FLVCR1: variants seen among roughly 807,000 people sequenced by gnomAD.
The protein encoded by FLVCR1 is choline/ethanolamine transporter FLVCR1.
A neutral mutation model predicts 53.6 loss-of-function variants in FLVCR1; 34 were observed. The observed-to-expected ratio is 0.63, with a 90% confidence interval of 0.48 to 0.84. The LOEUF (loss-of-function observed/expected upper bound fraction) is 0.84. Ranked by LOEUF, FLVCR1 falls within the 40% of genes least tolerant of loss-of-function variation. The pLI, the probability that FLVCR1 is intolerant of heterozygous loss-of-function variation, is 0.00. For synonymous variants in FLVCR1, 300 were observed against 286.3 expected (o/e 1.05, Z -0.48); for missense variants, 677 against 696.7 (o/e 0.97, Z 0.32).
chr1:212,870,645 T>TA (rs548965714), intron 2 of FLVCR1, among the ~76,000 whole-genome samples: 1 of 152,228 alleles, frequency 6.6e-6, no homozygotes, highest in East Asian at 1.9e-4. Flanking sequence ...TAATTTCTAT[T>TA]AAAAAAAATT....
At chr1:212,863,609 T>C in intron 1 of FLVCR1, 116 bp from the exon 2 acceptor site, 1 of 931,552 alleles carries the variant, frequency 1.1e-6, no homozygotes, top group Non-Finnish European at 1.7e-6. Context: ...ACATAATAGT[T>C]TAATTTTCAA....
At chr1:212,891,209 G>T (rs1440665224) in intron 8 of FLVCR1, among the ~76,000 whole-genome samples, 1 of 152,084 alleles carries the variant, frequency 6.6e-6, no homozygotes, top group Non-Finnish European at 1.5e-5. Flanking sequence ...AGGAGTTCAA[G>T]ACCAGCCTGA....
rs572626456 is a variant in FLVCR1, at chr1:212,896,095, G to A, written c.*805G>A. The A allele has an allele frequency of 6.7e-6, 1 of 149,148 alleles. No individual in the cohort carries two copies. Among genetic ancestry groups the A allele is most frequent in the East Asian group, 2.0e-4 (1 of 5,126 alleles). 9.2% of individuals were successfully genotyped at this position (149,148 alleles called of 1,614,324 possible). On this transcript the variant is annotated 3_prime_UTR_variant, in exon 10 of 10. Coordinates refer to ENST00000366971, the MANE Select transcript of FLVCR1 (RefSeq NM_014053.4). ...TTTCACTCCAACTTGAGATAGAGTA[G>A]TTTTGTACCCATTGCCTTTTTTTTC...
chr1:212,863,875 T>C lies in FLVCR1; in HGVS notation c.883+6T>C, dbSNP rs1262479685. 1.2e-6 allele frequency: 2 copies of C among 1,610,328 alleles called. No individual in the cohort carries two copies. Among genetic ancestry groups the C allele is most frequent in the East Asian group, 4.5e-5 (2 of 44,860 alleles). ...ATTTATTTTAACAGCAATTGGTAAGTGAATTACTTTCCCTAAAGCTTAAAT... is the reference window on the plus strand; with the variant it reads ...ATTTATTTTAACAGCAATTGGTAAGCGAATTACTTTCCCTAAAGCTTAAAT... On this transcript the variant is annotated splice_donor_region_variant and intron_variant, in intron 2 of 9. Transcript: ENST00000366971.
intron 2 of FLVCR1, among the ~76,000 whole-genome samples, chr1:212,866,075 C>A (rs892166027): frequency 1.7e-4 from 25 of 150,486 alleles, no homozygotes; most frequent in Non-Finnish European, 1.5e-5. Context: ...ACCTCTGCCT[C>A]CCACATTCAA....
chr1:212,873,227 C>A (rs536504979), intron 3 of FLVCR1, among the ~76,000 whole-genome samples: 2 of 151,602 alleles, frequency 1.3e-5, no homozygotes, highest in African/African-American at 4.8e-5. Context: ...GCAGGAGAAT[C>A]GCTTGAACCT....
At chr1:212,863,949 G>A (rs1025908427) in intron 2 of FLVCR1, 80 bp downstream of exon 2, 51 of 1,185,918 alleles carry the variant, frequency 4.3e-5, no homozygotes, top group Non-Finnish European at 5.6e-5. Flanking sequence ...AATTTTTGTT[G>A]ATAATATCTC....
chr1:212,874,297 A>G (rs527549972), intron 3 of FLVCR1, among the ~76,000 whole-genome samples: 1 of 152,040 alleles, frequency 6.6e-6, no homozygotes, highest in Non-Finnish European at 1.5e-5. Flanking sequence ...CGTGAGCCAA[A>G]ATGCCCGGCC....
chr1:212,891,101 A>G (rs975315392), intron 8 of FLVCR1, among the ~76,000 whole-genome samples: 4 of 152,206 alleles, frequency 2.6e-5, no homozygotes, highest in Non-Finnish European at 5.9e-5. Flanking sequence ...GGCAAGTACT[A>G]TATCTTATCT....
At chr1:212,868,850 T>C (rs1035032487) in intron 2 of FLVCR1, among the ~76,000 whole-genome samples, 3 of 152,222 alleles carry the variant, frequency 2.0e-5, no homozygotes, top group African/African-American at 7.2e-5. Flanking sequence ...TACAGAATTA[T>C]TTTACATATA....
At chr1:212,879,205 T>C (rs1283162945) in intron 3 of FLVCR1, among the ~76,000 whole-genome samples, 3 of 152,204 alleles carry the variant, frequency 2.0e-5, no homozygotes, top group Non-Finnish European at 4.4e-5. Context: ...AGAGTTTATT[T>C]GTTGAAGGAA....
chr1:212,877,913 T>C (rs938335551), intron 3 of FLVCR1, among the ~76,000 whole-genome samples: 1 of 152,080 alleles, frequency 6.6e-6, no homozygotes, highest in Non-Finnish European at 1.5e-5. Flanking sequence ...GCTGGCTCAG[T>C]AACACAAGAA....
rs549002753 is a variant in FLVCR1, at chr1:212,896,127, ACTCT to A, written c.*840_*843del. On this transcript the variant is annotated 3_prime_UTR_variant, in exon 10 of 10. Transcript: ENST00000366971. ...ACCCATTGCCTTTTTTTTCTTTTAA[ACTCT>A]CTTTTTTTTTTTTTCCTGATGTGTA... The A allele has an allele frequency of 1.4e-5, 2 of 141,628 alleles. No individual in the cohort carries two copies. Among genetic ancestry groups the A allele is most frequent in the African/African-American group, 5.2e-5 (2 of 38,604 alleles). The allele number at this position is 141,628 out of a possible 1,614,324, so 8.8% of individuals were successfully genotyped here.
At chr1:212,864,028 G>T (rs1321060085) in intron 2 of FLVCR1, among the ~76,000 whole-genome samples, 159 bp downstream of exon 2, 1 of 152,156 alleles carries the variant, frequency 6.6e-6, no homozygotes, top group Non-Finnish European at 1.5e-5. Flanking sequence ...TACAACCCTA[G>T]GGATGTTATG....
chr1:212,889,927 G>A (rs543039285), intron 8 of FLVCR1, among the ~76,000 whole-genome samples: 1 of 152,286 alleles, frequency 6.6e-6, no homozygotes, highest in African/African-American at 2.4e-5. Flanking sequence ...TAGGGTTACT[G>A]TGAGGATTAA....
intron 1 of FLVCR1, 71 bp downstream of exon 1, chr1:212,859,261 A>G (rs541134125): frequency 6.2e-6 from 10 of 1,606,030 alleles, no homozygotes; most frequent in Non-Finnish European, 8.5e-6. Flanking sequence ...CGTGAGAACT[A>G]TGGCCTGTAT....
chr1:212,865,959 T>TTTGCCACTGTGC (rs142975532), intron 2 of FLVCR1, among the ~76,000 whole-genome samples: 1 of 93,462 alleles, frequency 1.1e-5, no homozygotes, highest in Non-Finnish European at 2.6e-5. Flanking sequence ...ATTACAGGCA[T>TTTGCCACTGTGC]TTGGCTAATT....
At chr1:212,869,162 G>T (rs1485240733) in intron 2 of FLVCR1, among the ~76,000 whole-genome samples, 1 of 152,226 alleles carries the variant, frequency 6.6e-6, no homozygotes, top group African/African-American at 2.4e-5. Flanking sequence ...TTTGAATGTG[G>T]TGCTCGAGAA....
At chr1:212,886,573 G>T (rs776508119) in intron 5 of FLVCR1, among the ~76,000 whole-genome samples, 1 of 152,002 alleles carries the variant, frequency 6.6e-6, no homozygotes, top group Non-Finnish European at 1.5e-5. Flanking sequence ...GCCAAGGCGG[G>T]TAGATTGCTT....
Sources: gnomAD v4.1 joint callset for allele counts (sites outside exome capture counted in the v4.1 genomes callset) on GRCh38, gnomAD v4.1.1 for gene constraint, MANE v1.5 for transcripts, NCBI Gene and HGNC (gene_info 2026-07-23, HGNC 2026-07-21) for gene names.